VWC2: variants seen among roughly 807,000 people sequenced by gnomAD.
VWC2 encodes brorin.
VWC2 carries 14 observed loss-of-function variants against 29.8 expected under a neutral mutation model. The observed-to-expected ratio is 0.47, with a 90% confidence interval of 0.31 to 0.74. The LOEUF (loss-of-function observed/expected upper bound fraction) is 0.74, where lower values mean the gene tolerates loss of function less well. Among genes scored for constraint, VWC2 ranks in the 30% least tolerant of loss-of-function variants. The pLI, the probability that VWC2 is intolerant of heterozygous loss-of-function variation, is 0.05. For missense variants in VWC2, 457 were observed against 459.8 expected (o/e 0.99, Z 0.05); for synonymous variants, 213 against 199.0 (o/e 1.07, Z -0.59).
intron 2 of VWC2, among the ~76,000 whole-genome samples, chr7:49,796,860 TA>T (rs1788603862): frequency 6.6e-6 from 1 of 152,222 alleles, no homozygotes; most frequent in South Asian, 2.1e-4. Flanking sequence ...GCTACTCATA[TA>T]GGAGTGTGAA....
intron 3 of VWC2, among the ~76,000 whole-genome samples, chr7:49,884,834 C>T (rs573786848): frequency 2.3e-4 from 35 of 151,834 alleles, no homozygotes; most frequent in African/African-American, 5.6e-4. Context: ...ATGATATAGA[C>T]GTCAATAGTT....
chr7:49,900,377 G>C (rs1395306849), intron 3 of VWC2, among the ~76,000 whole-genome samples: 1 of 151,610 alleles, frequency 6.6e-6, no homozygotes, highest in Non-Finnish European at 1.5e-5. Context: ...TAAAACAAAA[G>C]CTTGTTTATT....
intron 3 of VWC2, among the ~76,000 whole-genome samples, chr7:49,857,388 T>G (rs1790469791): frequency 6.6e-6 from 1 of 152,234 alleles, no homozygotes; most frequent in Non-Finnish European, 1.5e-5. Flanking sequence ...GCCTGAATAT[T>G]CCAATGTAGG....
intron 3 of VWC2, among the ~76,000 whole-genome samples, chr7:49,812,958 G>A (rs1011955507): frequency 3.3e-5 from 5 of 152,132 alleles, no homozygotes; most frequent in African/African-American, 1.2e-4. Flanking sequence ...ATAAGAAGTT[G>A]TACAGAAAAA....
At chr7:49,850,193 G>A (rs1790120362) in intron 3 of VWC2, among the ~76,000 whole-genome samples, 1 of 152,206 alleles carries the variant, frequency 6.6e-6, no homozygotes, top group South Asian at 2.1e-4. Context: ...CAACACAGTG[G>A]TCAGATAGGG....
chr7:49,845,855 G>C (rs1014557728), intron 3 of VWC2, among the ~76,000 whole-genome samples: 1 of 152,206 alleles, frequency 6.6e-6, no homozygotes, highest in South Asian at 2.1e-4. Flanking sequence ...AAGGAAGAGC[G>C]AGTGAGTTAG....
intron 3 of VWC2, among the ~76,000 whole-genome samples, chr7:49,903,869 G>A (rs1375509018): frequency 6.6e-6 from 1 of 152,166 alleles, no homozygotes; most frequent in Non-Finnish European, 1.5e-5. Flanking sequence ...GGACTTCCAA[G>A]AGGAAAGACT....
intron 3 of VWC2, among the ~76,000 whole-genome samples, chr7:49,854,166 A>AATAAGCAT (rs1180966178): frequency 2.0e-5 from 3 of 152,146 alleles, no homozygotes; most frequent in African/African-American, 4.8e-5. Context: ...ATAGTGCCGC[A>AATAAGCAT]ATAAGCATAC....
intron 3 of VWC2, among the ~76,000 whole-genome samples, chr7:49,893,632 C>T (rs1311345710): frequency 2.0e-5 from 2 of 101,442 alleles, no homozygotes; most frequent in Non-Finnish European, 4.1e-5. Context: ...TCTTAGGAAA[C>T]CAGTTTTTTT....
chr7:49,851,644 G>T, intron 3 of VWC2, among the ~76,000 whole-genome samples: 1 of 152,190 alleles, frequency 6.6e-6, no homozygotes, highest in East Asian at 1.9e-4. Context: ...TGGATCATGA[G>T]GTCAGGAGAT....
At chr7:49,877,985 C>A (rs1791514164) in intron 3 of VWC2, among the ~76,000 whole-genome samples, 2 of 152,024 alleles carry the variant, frequency 1.3e-5, no homozygotes, top group African/African-American at 4.8e-5. Context: ...TAATCTTCTC[C>A]TTTCTTGATA....
chr7:49,812,508 C>G (rs1053362344), intron 3 of VWC2, among the ~76,000 whole-genome samples: 4 of 152,162 alleles, frequency 2.6e-5, no homozygotes, highest in Admixed American at 1.3e-4. Flanking sequence ...CCTACTGAAG[C>G]TGAGACCCTT....
At chr7:49,867,788 C>T (rs1321542761) in intron 3 of VWC2, among the ~76,000 whole-genome samples, 2 of 151,922 alleles carry the variant, frequency 1.3e-5, no homozygotes, top group African/African-American at 4.8e-5. Context: ...CCTACAGCAG[C>T]CTTTTATTTA....
chr7:49,861,090 T>A (rs1790634121), intron 3 of VWC2, among the ~76,000 whole-genome samples: 1 of 152,270 alleles, frequency 6.6e-6, no homozygotes, highest in Non-Finnish European at 1.5e-5. Context: ...TGCACAGTTT[T>A]ACATTCCCAC....
intron 3 of VWC2, among the ~76,000 whole-genome samples, chr7:49,837,841 G>T (rs1789698872): frequency 6.6e-6 from 1 of 152,100 alleles, no homozygotes; most frequent in South Asian, 2.1e-4. Context: ...TTGCCTAGGA[G>T]GAGCATATTT....
At chr7:49,836,930 A>G (rs1789679890) in intron 3 of VWC2, among the ~76,000 whole-genome samples, 1 of 152,110 alleles carries the variant, frequency 6.6e-6, no homozygotes, top group East Asian at 1.9e-4. Flanking sequence ...CCTTTTTCCT[A>G]CCCTTGAACA....
chr7:49,775,927 G>A lies in VWC2; in HGVS notation c.492G>A (p.Ala164=), dbSNP rs1261167091. Residue 164 remains alanine, a synonymous_variant, in exon 2 of 4, where the codon GCG becomes GCA. Coordinates refer to ENST00000340652, the MANE Select transcript of VWC2 (RefSeq NM_198570.5). ...TGGACGAGAGCGGCTTCGTGTACGC[G>A]ATCGGGGAGAAGTTCGCGCCGGGCC... ...GCVDESGFVY[A]IGEKFAPGPS... 6.4e-7 allele frequency: 1 copy of A among 1,556,708 alleles called. No homozygotes were observed. Among genetic ancestry groups the A allele is most frequent in the South Asian group, 1.2e-5 (1 of 84,864 alleles).
intron 2 of VWC2, among the ~76,000 whole-genome samples, chr7:49,794,167 T>A (rs2128704368): frequency 6.6e-6 from 1 of 152,274 alleles, no homozygotes; most frequent in Non-Finnish European, 1.5e-5. Context: ...ACCAAAGCCC[T>A]TTTGCCCATT....
intron 2 of VWC2, among the ~76,000 whole-genome samples, chr7:49,796,650 T>C (rs1350900522): frequency 6.6e-6 from 1 of 152,146 alleles, no homozygotes; most frequent in Non-Finnish European, 1.5e-5. Context: ...CTTCCTACCT[T>C]CTATAGTGGA....
Sources: gnomAD v4.1 joint callset for allele counts (sites outside exome capture counted in the v4.1 genomes callset) on GRCh38, gnomAD v4.1.1 for gene constraint, MANE v1.5 for transcripts, NCBI Gene and HGNC (gene_info 2026-07-23, HGNC 2026-07-21) for gene names.